CCBE1: variants seen among roughly 807,000 people sequenced by gnomAD.
CCBE1 encodes collagen and calcium-binding EGF domain-containing protein 1.
In CCBE1, 37 loss-of-function variants were observed where a neutral mutation model predicts 50.0. The ratio of observed to expected loss-of-function variants is 0.74; its 90% CI spans 0.57 to 0.97. CCBE1 has a LOEUF of 0.97. CCBE1 is among the 50% of genes least tolerant of loss of function. The probability of loss-of-function intolerance (pLI) is 0.00; values close to 1 mark genes in which losing one functional copy is unlikely to be tolerated. For missense variants in CCBE1, 538 were observed against 523.8 expected (o/e 1.03, Z -0.26); for synonymous variants, 234 against 203.7 (o/e 1.15, Z -1.27).
At chr18:59,584,329 A>G (rs1422618987) in intron 2 of CCBE1, among the ~76,000 whole-genome samples, 1 of 132,404 alleles carries the variant, frequency 7.6e-6, no homozygotes, top group African/African-American at 2.9e-5. Flanking sequence ...GAAAGGGAAC[A>G]TCACACTCTG....
chr18:59,671,775 T>C (rs1163338594), intron 2 of CCBE1, among the ~76,000 whole-genome samples: 2 of 147,726 alleles, frequency 1.4e-5, no homozygotes, highest in African/African-American at 5.0e-5. Flanking sequence ...AAGGCTGCTA[T>C]TATGTGTCAG....
At chr18:59,625,056 C>T (rs1228323957) in intron 2 of CCBE1, among the ~76,000 whole-genome samples, 2 of 152,166 alleles carry the variant, frequency 1.3e-5, no homozygotes, top group Non-Finnish European at 2.9e-5. Context: ...AATATGCTAC[C>T]AAGTTTGACC....
chr18:59,439,442 G>T (rs1229723208), intron 9 of CCBE1, 101 bp downstream of exon 9: 10 of 1,410,236 alleles, frequency 7.1e-6, no homozygotes, highest in Non-Finnish European at 8.0e-6. Context: ...ACTCCAGCCT[G>T]GGTGACAGAG....
At chr18:59,582,087 A>G (rs1256403893) in intron 2 of CCBE1, among the ~76,000 whole-genome samples, 6 of 152,002 alleles carry the variant, frequency 3.9e-5, no homozygotes, top group Admixed American at 3.9e-4. Context: ...GACCCACTTG[A>G]CTGGTCTGCC....
chr18:59,502,898 G>T (rs1913692002), intron 2 of CCBE1, among the ~76,000 whole-genome samples: 1 of 152,164 alleles, frequency 6.6e-6, no homozygotes, highest in Admixed American at 6.5e-5. Flanking sequence ...CCTATCAAAG[G>T]ATGCATACGT....
chr18:59,580,891 G>A (rs2053074710), intron 2 of CCBE1, among the ~76,000 whole-genome samples: 2 of 152,198 alleles, frequency 1.3e-5, no homozygotes, highest in South Asian at 4.1e-4. Context: ...TGGGGGGCCT[G>A]GCTTGCGACT....
chr18:59,493,760 T>C (rs1219884605), intron 2 of CCBE1, among the ~76,000 whole-genome samples: 1 of 152,150 alleles, frequency 6.6e-6, no homozygotes, highest in Admixed American at 6.5e-5. Flanking sequence ...TTTGACTGTG[T>C]CCCCATCCAA....
intron 2 of CCBE1, among the ~76,000 whole-genome samples, chr18:59,630,879 A>C (rs2053841054): frequency 6.6e-6 from 1 of 152,224 alleles, no homozygotes; most frequent in Admixed American, 6.5e-5. Context: ...GCCATTAATT[A>C]AGCCCGTTTA....
At chr18:59,617,760 A>G (rs963804524) in intron 2 of CCBE1, among the ~76,000 whole-genome samples, 1 of 152,178 alleles carries the variant, frequency 6.6e-6, no homozygotes, top group Non-Finnish European at 1.5e-5. Context: ...TTTCAAGACA[A>G]TTCTTCTCTG....
chr18:59,593,812 C>T (rs1413365626), intron 2 of CCBE1, among the ~76,000 whole-genome samples: 1 of 152,236 alleles, frequency 6.6e-6, no homozygotes, highest in Admixed American at 6.5e-5. Context: ...AAGTCTGGGA[C>T]ATGAGTTGAC....
intron 2 of CCBE1, among the ~76,000 whole-genome samples, chr18:59,547,081 A>AAGGGAGAGAG (rs1915726693): frequency 1.8e-4 from 5 of 28,406 alleles, no homozygotes; most frequent in African/African-American, 1.0e-3. Context: ...GGGGGAGAGA[A>AAGGGAGAGAG]AGGGAGAGAG....
At chr18:59,677,333 A>G (rs988055412) in intron 2 of CCBE1, among the ~76,000 whole-genome samples, 1 of 152,218 alleles carries the variant, frequency 6.6e-6, no homozygotes, top group South Asian at 2.1e-4. Flanking sequence ...CTATCCAGGC[A>G]TTCAGACCAC....
upstream of CCBE1, chr18:59,697,514 A>G: frequency 1.2e-6 from 1 of 852,888 alleles, no homozygotes; most frequent in Admixed American, 2.9e-5. Context: ...GCTGGGGGGA[A>G]AATGAGGCTA....
intron 4 of CCBE1, among the ~76,000 whole-genome samples, chr18:59,468,486 C>T (rs1911860913): frequency 6.6e-6 from 1 of 152,214 alleles, no homozygotes; most frequent in Non-Finnish European, 1.5e-5. Flanking sequence ...GTACCTTTCT[C>T]TGCAGGAGAG....
chr18:59,643,387 T>C (rs1448489422), intron 2 of CCBE1, among the ~76,000 whole-genome samples: 1 of 152,220 alleles, frequency 6.6e-6, no homozygotes, highest in Non-Finnish European at 1.5e-5. Flanking sequence ...GCAACTGTTT[T>C]GGAAGTTTAA....
At chr18:59,655,001 C>T (rs1396594254) in intron 2 of CCBE1, among the ~76,000 whole-genome samples, 1 of 149,548 alleles carries the variant, frequency 6.7e-6, no homozygotes, top group East Asian at 2.0e-4. Flanking sequence ...GCAGGACAAT[C>T]ACTTAAACCT....
rs1479703142 is a variant in CCBE1 at position 59,590,983 on chromosome 18, GC to G, written c.212+105645del. Among the ~76,000 whole-genome samples, 5 of 32,292 alleles carry G rather than the reference GC, an allele frequency of 1.5e-4. 1 individual carries two copies. The highest frequency in any genetic ancestry group is 4.3e-4 in the African/African-American group (1 of 2,336). 21.2% of individuals were successfully genotyped at this position (32,292 alleles called of 152,430 possible). A position where few individuals can be genotyped will look rare whatever the true frequency, so the allele number is the denominator to read the frequency against. ...AAGTAGGCCGGGCGCGGTGGCTCAC[GC>G]TTGTAATCCCAGCACTTTGGGAGGC... On this transcript the variant is annotated intron_variant, in intron 2 of 10. Coordinates refer to ENST00000439986, the MANE Select transcript of CCBE1 (RefSeq NM_133459.4).
At chr18:59,550,831 C>T (rs1025986080) in intron 2 of CCBE1, among the ~76,000 whole-genome samples, 1 of 151,546 alleles carries the variant, frequency 6.6e-6, no homozygotes, top group Non-Finnish European at 1.5e-5. Flanking sequence ...GATCAAAACC[C>T]AGTCTCTACT....
At chr18:59,556,841 G>T (rs936175417) in intron 2 of CCBE1, among the ~76,000 whole-genome samples, 6 of 152,208 alleles carry the variant, frequency 3.9e-5, no homozygotes, top group African/African-American at 1.4e-4. Flanking sequence ...AAAGCTGTTT[G>T]CATTGTTTAT....
Sources: allele counts gnomAD v4.1 joint callset (sites outside exome capture counted in the v4.1 genomes callset), GRCh38; gene constraint gnomAD v4.1.1; transcripts MANE v1.5; gene names NCBI Gene and HGNC (gene_info 2026-07-23, HGNC 2026-07-21).